Variants in CNTNAP5 observed in about 807,000 individuals in gnomAD.
The protein encoded by CNTNAP5 is contactin-associated protein-like 5.
A neutral mutation model predicts 150.2 loss-of-function variants in CNTNAP5; 72 were observed. The observed-to-expected ratio is 0.48, with a 90% CI of 0.40 to 0.58. CNTNAP5 has a LOEUF of 0.58. Ranked by LOEUF, CNTNAP5 falls within the 20% of genes least tolerant of loss-of-function variation. The pLI, the probability that CNTNAP5 is intolerant of heterozygous loss-of-function variation, is 0.00. For synonymous variants in CNTNAP5, 672 were observed against 619.8 expected (o/e 1.08, Z -1.25); for missense variants, 1,636 against 1,626.2 (o/e 1.01, Z -0.10).
chr2:124,557,423 G>A (rs1695783708), intron 10 of CNTNAP5, among the ~76,000 whole-genome samples: 1 of 152,124 alleles, frequency 6.6e-6, no homozygotes, highest in Admixed American at 6.6e-5. Flanking sequence ...ATAGTAAATG[G>A]GTGAAGGCCA....
intron 1 of CNTNAP5, among the ~76,000 whole-genome samples, chr2:124,210,218 T>A (rs923935559): frequency 5.3e-5 from 8 of 152,192 alleles, no homozygotes; most frequent in Non-Finnish European, 4.4e-5. Flanking sequence ...AAATATATGG[T>A]TTTTAGTCTT....
At chr2:124,252,032 T>G (rs1047936225) in intron 3 of CNTNAP5, among the ~76,000 whole-genome samples, 6 of 152,122 alleles carry the variant, frequency 3.9e-5, no homozygotes, top group Non-Finnish European at 8.8e-5. Flanking sequence ...GCAGTGCAGG[T>G]GCAAATGACA....
intron 13 of CNTNAP5, among the ~76,000 whole-genome samples, chr2:124,733,285 A>G (rs1287986110): frequency 6.6e-6 from 1 of 152,162 alleles, no homozygotes; most frequent in Admixed American, 6.6e-5. Context: ...AAGGAATTTA[A>G]GAGAAATAGC....
At chr2:124,910,786 A>G (rs746473376) in intron 22 of CNTNAP5, among the ~76,000 whole-genome samples, 76 of 152,044 alleles carry the variant, frequency 5.0e-4, no homozygotes, top group Non-Finnish European at 8.8e-4. Context: ...TTATAAGTGT[A>G]TAGTAGCCAC....
intron 3 of CNTNAP5, among the ~76,000 whole-genome samples, chr2:124,250,150 G>C (rs930573601): frequency 6.6e-6 from 1 of 152,040 alleles, no homozygotes; most frequent in African/African-American, 2.4e-5. Flanking sequence ...ATCTGTAAAG[G>C]AGAGATTTCT....
At chr2:124,434,298 T>C (rs192558647) in intron 4 of CNTNAP5, among the ~76,000 whole-genome samples, 186 bp from the exon 5 acceptor site, 223 of 152,370 alleles carry the variant, frequency 1.5e-3, no homozygotes, top group African/African-American at 5.2e-3. Context: ...TGGTGATTGC[T>C]TGTAAACGAA....
intron 3 of CNTNAP5, among the ~76,000 whole-genome samples, chr2:124,316,082 C>G (rs549329233): frequency 1.3e-5 from 2 of 152,330 alleles, no homozygotes; most frequent in Non-Finnish European, 2.9e-5. Context: ...ACTTACCGCC[C>G]TTGACCCCAC....
At chr2:124,123,050 A>G (rs1003072546) in intron 1 of CNTNAP5, among the ~76,000 whole-genome samples, 3 of 152,080 alleles carry the variant, frequency 2.0e-5, no homozygotes, top group African/African-American at 7.2e-5. Context: ...TACCGGGTTC[A>G]TCTCACTGGG....
chr2:124,437,544 AT>A (rs1172735285), intron 5 of CNTNAP5, among the ~76,000 whole-genome samples: 4 of 152,164 alleles, frequency 2.6e-5, no homozygotes, highest in Non-Finnish European at 5.9e-5. Context: ...AAACCGGAAA[AT>A]AATATAAAAA....
At chr2:124,550,520 G>T (rs1695603741) in intron 10 of CNTNAP5, among the ~76,000 whole-genome samples, 1 of 152,150 alleles carries the variant, frequency 6.6e-6, no homozygotes, top group Non-Finnish European at 1.5e-5. Flanking sequence ...TACTGTCTGT[G>T]CGTTTCCTGA....
chr2:124,507,394 G>A (rs537257594), intron 8 of CNTNAP5, among the ~76,000 whole-genome samples: 225 of 152,246 alleles, frequency 1.5e-3, no homozygotes, highest in Admixed American at 6.3e-3. Context: ...GGGAGGCCGA[G>A]GCTGCAGTGA....
At chr2:124,847,170 A>G (rs1391802885) in intron 19 of CNTNAP5, among the ~76,000 whole-genome samples, 1 of 152,186 alleles carries the variant, frequency 6.6e-6, no homozygotes, top group African/African-American at 2.4e-5. Flanking sequence ...GAGCAGGGCC[A>G]TAGAGCTCCC....
intron 22 of CNTNAP5, among the ~76,000 whole-genome samples, chr2:124,903,897 T>C (rs1294466677): frequency 6.6e-6 from 1 of 151,770 alleles, no homozygotes; most frequent in Non-Finnish European, 1.5e-5. Flanking sequence ...CTACTAAAAA[T>C]ACAAAAATTA....
At chr2:124,476,299 T>C (rs1693639839) in intron 7 of CNTNAP5, among the ~76,000 whole-genome samples, 1 of 152,142 alleles carries the variant, frequency 6.6e-6, no homozygotes, top group Non-Finnish European at 1.5e-5. Context: ...AGAAGGATAG[T>C]TTGTTGCATT....
At chr2:124,537,268 T>G (rs899936275) in intron 10 of CNTNAP5, among the ~76,000 whole-genome samples, 2 of 152,156 alleles carry the variant, frequency 1.3e-5, no homozygotes, top group Non-Finnish European at 2.9e-5. Context: ...CTAACCCTGC[T>G]GTGGGAAGGT....
At chr2:124,600,731 C>CAG (rs374118230) in intron 11 of CNTNAP5, among the ~76,000 whole-genome samples, 10,284 of 123,948 alleles carry the variant, frequency 0.083, 430 homozygotes, top group East Asian at 0.15. Context: ...CAACAATACT[C>CAG]AGAGAGAGAG....
At chr2:124,132,234 C>T (rs1192210330) in intron 1 of CNTNAP5, among the ~76,000 whole-genome samples, 2 of 152,084 alleles carry the variant, frequency 1.3e-5, no homozygotes, top group African/African-American at 4.8e-5. Context: ...TGACAGTTTG[C>T]TGAGTATAAG....
intron 3 of CNTNAP5, among the ~76,000 whole-genome samples, chr2:124,403,943 C>T (rs546501935): frequency 5.3e-5 from 8 of 152,316 alleles, no homozygotes; most frequent in African/African-American, 1.9e-4. Context: ...GACTTATTCA[C>T]TAGCACGAGA....
chr2:124,265,447 ACATC>A (rs1687581614), intron 3 of CNTNAP5, among the ~76,000 whole-genome samples: 1 of 152,100 alleles, frequency 6.6e-6, no homozygotes, highest in African/African-American at 2.4e-5. Context: ...CGCCACTTTA[ACATC>A]ATCATTCCTG....
Sources: gnomAD v4.1 joint callset for allele counts (sites outside exome capture counted in the v4.1 genomes callset) on GRCh38, gnomAD v4.1.1 for gene constraint, MANE v1.5 for transcripts, NCBI Gene and HGNC (gene_info 2026-07-23, HGNC 2026-07-21) for gene names.